Variants in SUSD5 observed in about 807,000 individuals in gnomAD.
SUSD5 encodes the protein sushi domain-containing protein 5.
SUSD5 carries 33 observed loss-of-function variants against 29.5 expected under a neutral mutation model. That is an observed-to-expected ratio of 1.12 (90% CI 0.85 to 1.49). SUSD5 has a LOEUF of 1.49. Among genes scored for constraint, SUSD5 ranks in the 40% most tolerant of loss-of-function variants. The pLI, the probability that SUSD5 is intolerant of heterozygous loss-of-function variation, is 0.00. For missense variants in SUSD5, 776 were observed against 800.6 expected (o/e 0.97, Z 0.37); for synonymous variants, 308 against 325.3 (o/e 0.95, Z 0.57).
At chr3:33,194,270 T>A (rs2031953227) in intron 3 of SUSD5, among the ~76,000 whole-genome samples, 1 of 152,202 alleles carries the variant, frequency 6.6e-6, no homozygotes, top group Admixed American at 6.5e-5. Flanking sequence ...CCTCTGAATT[T>A]TCAGAGGCTG....
chr3:33,215,826 T>A (rs144032918), intron 1 of SUSD5, among the ~76,000 whole-genome samples: 2 of 152,160 alleles, frequency 1.3e-5, no homozygotes, highest in Non-Finnish European at 2.9e-5. Context: ...CAAAAACTTA[T>A]GGAGAAACTA....
At position 33,152,945 on chromosome 3, in the gene SUSD5, C is replaced by A; in HGVS notation, c.1687G>T (p.Val563Leu). Residue 563 changes from valine (V) to leucine (L), a missense_variant, in exon 5 of 5, where the codon GTG becomes TTG. By Grantham distance (32) the Val-to-Leu change is conservative (BLOSUM62 1). Coordinates refer to ENST00000309558, the MANE Select transcript of SUSD5 (RefSeq NM_015551.2). ...CTGAGGCCAGGACATCCGTCCCCCA[C>A]ACACGACTCCAAGGTGGGATGAAGC... ...EELHPTLESC[V>L]GDGCPGLSRG... is the part of the protein sequence containing the mutation. 1 of 1,613,998 alleles carries A rather than the reference C, an allele frequency of 6.2e-7. No individual in the cohort carries two copies. Among genetic ancestry groups the A allele is most frequent in the Non-Finnish European group, 8.5e-7 (1 of 1,179,882 alleles).
chr3:33,173,414 G>C (rs755231034), intron 4 of SUSD5, among the ~76,000 whole-genome samples: 1 of 152,190 alleles, frequency 6.6e-6, no homozygotes, highest in Non-Finnish European at 1.5e-5. Context: ...GGAGGCTAAG[G>C]ACAATTATAG....
intron 4 of SUSD5, among the ~76,000 whole-genome samples, chr3:33,157,303 A>G (rs1037630872): frequency 6.6e-6 from 1 of 152,190 alleles, no homozygotes; most frequent in Non-Finnish European, 1.5e-5. Context: ...TTGTGTGCAT[A>G]AATTTTCACC....
intron 2 of SUSD5, 90 bp downstream of exon 2, chr3:33,213,838 T>G: frequency 7.3e-7 from 1 of 1,374,584 alleles, no homozygotes; most frequent in Non-Finnish European, 9.9e-7. Context: ...TCTGCCTGTA[T>G]GGTACCTCAA....
At chr3:33,209,447 T>C (rs1314430639) in intron 2 of SUSD5, among the ~76,000 whole-genome samples, 4 of 152,112 alleles carry the variant, frequency 2.6e-5, no homozygotes, top group African/African-American at 7.2e-5. Context: ...TGTTGTATAA[T>C]TTTTCATCCT....
At chr3:33,183,337 A>G (rs139401988) in intron 3 of SUSD5, among the ~76,000 whole-genome samples, 85 of 152,040 alleles carry the variant, frequency 5.6e-4, no homozygotes, top group South Asian at 1.0e-3. Flanking sequence ...TAAGTCTTTT[A>G]TGGTTTTAAT....
chr3:33,190,529 T>G (rs1013667439), intron 3 of SUSD5, among the ~76,000 whole-genome samples: 1 of 152,214 alleles, frequency 6.6e-6, no homozygotes, highest in Non-Finnish European at 1.5e-5. Flanking sequence ...TTTGTATGGA[T>G]TTACCATAAT....
chr3:33,209,994 A>G (rs2032293515), intron 2 of SUSD5, among the ~76,000 whole-genome samples: 1 of 152,200 alleles, frequency 6.6e-6, no homozygotes, highest in African/African-American at 2.4e-5. Context: ...TAAAGTCTGC[A>G]TCTACCAATC....
intron 3 of SUSD5, among the ~76,000 whole-genome samples, chr3:33,181,444 T>C (rs1375181234): frequency 1.3e-5 from 2 of 151,174 alleles, no homozygotes; most frequent in Non-Finnish European, 2.9e-5. Context: ...CAGGCTGGAA[T>C]GCTGTGACAT....
chr3:33,195,871 T>C (rs1489268084), intron 3 of SUSD5, among the ~76,000 whole-genome samples: 2 of 152,156 alleles, frequency 1.3e-5, no homozygotes, highest in African/African-American at 4.8e-5. Flanking sequence ...AGACTGATTA[T>C]GAGAGACCTT....
intron 3 of SUSD5, among the ~76,000 whole-genome samples, chr3:33,203,302 T>A (rs1006518833): frequency 1.3e-5 from 2 of 151,030 alleles, no homozygotes; most frequent in Non-Finnish European, 2.9e-5. Flanking sequence ...ACTGTGGGAA[T>A]CCATCCTGCT....
chr3:33,160,590 A>C (rs1007344932), intron 4 of SUSD5, among the ~76,000 whole-genome samples: 2 of 152,124 alleles, frequency 1.3e-5, no homozygotes, highest in East Asian at 3.9e-4. Flanking sequence ...TTCTGGATTA[A>C]AGGACTGTTT....
chr3:33,214,782 A>C (rs2032396979), intron 1 of SUSD5, among the ~76,000 whole-genome samples: 2 of 152,152 alleles, frequency 1.3e-5, no homozygotes, highest in Non-Finnish European at 2.9e-5. Flanking sequence ...AAGGCAAATG[A>C]GAATTTTAAG....
Position 33,153,936 on chromosome 3 carries a change from A to C in SUSD5, c.696T>G (p.Asp232Glu). Residue 232 changes from aspartate to glutamate, a missense_variant, in exon 5 of 5, where the codon GAT becomes GAG. By Grantham distance (45) the Asp-to-Glu change is conservative. Transcript: ENST00000309558. ...ELMEDSRTEA[D>E]EDRGQGDSSE... Reference sequence around the variant, plus strand: ...AGGAGTCTCCCTGACCCCTGTCCTCATCTGCCTCTGTCCGGGAATCCTCCA... The same window carrying C: ...AGGAGTCTCCCTGACCCCTGTCCTCCTCTGCCTCTGTCCGGGAATCCTCCA... 6.2e-7 allele frequency: 1 copy of C among 1,613,964 alleles called. No homozygotes were observed. Among genetic ancestry groups the C allele is most frequent in the Non-Finnish European group, 8.5e-7 (1 of 1,179,880 alleles).
In SUSD5 at chr3:33,150,963, C is replaced by G. The variant is rs1189770513; in HGVS notation, c.*1779G>C. The G allele has an allele frequency of 1.3e-5, 2 of 152,166 alleles. No individual in the cohort carries two copies. The highest frequency in any genetic ancestry group is 2.9e-5 in the Non-Finnish European group (2 of 68,028). The allele number at this position is 152,166 out of a possible 1,614,324, so 9.4% of individuals were successfully genotyped here. ...GGTGATTCATATTAGAAAAATATAA[C>G]ATGTTTCATTTCTGTGCCAACATAC... On this transcript the variant is annotated 3_prime_UTR_variant, in exon 5 of 5. Transcript: ENST00000309558.
Position 33,153,674 on chromosome 3 carries a change from C to G in SUSD5, c.958G>C (p.Ala320Pro). The G allele has an allele frequency of 1.2e-6, 2 of 1,614,066 alleles. No individual in the cohort carries two copies. Among genetic ancestry groups the G allele is most frequent in the Non-Finnish European group, 1.7e-6 (2 of 1,179,904 alleles). ...TTTACACCACTGTGGTTGTCTCCAG[C>G]AGAAAACTGCTTTTTGGTGTCATCA... ...VDDDTKKQFS[A>P]GDNHSGVKLV... Residue 320 changes from alanine (A) to proline (P), a missense_variant, in exon 5 of 5, where the codon GCT (alanine) becomes CCT (proline). Coordinates refer to ENST00000309558, the MANE Select transcript of SUSD5 (RefSeq NM_015551.2).
At chr3:33,182,308 T>G (rs149256282) in intron 3 of SUSD5, among the ~76,000 whole-genome samples, 1 of 152,364 alleles carries the variant, frequency 6.6e-6, no homozygotes, top group East Asian at 1.9e-4. Context: ...TTCCTATTCT[T>G]TAAAATTTGT....
chr3:33,179,836 G>A (rs1023207891), intron 3 of SUSD5, among the ~76,000 whole-genome samples: 3 of 152,034 alleles, frequency 2.0e-5, no homozygotes, highest in African/African-American at 7.3e-5. Flanking sequence ...ACAACATTTT[G>A]GTCAAGGAGG....
Sources: allele counts gnomAD v4.1 joint callset (sites outside exome capture counted in the v4.1 genomes callset), GRCh38; gene constraint gnomAD v4.1.1; transcripts MANE v1.5; gene names NCBI Gene and HGNC (gene_info 2026-07-23, HGNC 2026-07-21).